The following KCNIP4 variants were observed in gnomAD, a reference collection of about 807,000 sequenced individuals.
The protein encoded by KCNIP4 is Kv channel-interacting protein 4.
KCNIP4 carries 12 observed loss-of-function variants against 34.0 expected under a neutral mutation model. The ratio of observed to expected loss-of-function variants is 0.35; its 90% CI spans 0.23 to 0.57. The LOEUF (loss-of-function observed/expected upper bound fraction) is 0.57, where lower values mean the gene tolerates loss of function less well. Among genes scored for constraint, KCNIP4 ranks in the 20% least tolerant of loss-of-function variants. The pLI is 0.83. For missense variants in KCNIP4, 238 were observed against 311.7 expected (o/e 0.76, Z 1.78); for synonymous variants, 124 against 102.2 (o/e 1.21, Z -1.29).
chr4:21,632,093 C>T (rs1036861917), intron 1 of KCNIP4, among the ~76,000 whole-genome samples: 2 of 152,076 alleles, frequency 1.3e-5, no homozygotes, highest in Non-Finnish European at 1.5e-5. Context: ...TTTTTTATAT[C>T]CCTGGTTGCT....
intron 1 of KCNIP4, among the ~76,000 whole-genome samples, chr4:21,300,933 G>A (rs1711593907): frequency 6.6e-6 from 1 of 152,148 alleles, no homozygotes; most frequent in Non-Finnish European, 1.5e-5. Flanking sequence ...GAGAGGTAAA[G>A]TGACTTAATC....
At chr4:21,173,811 T>A (rs1327173997) in intron 1 of KCNIP4, among the ~76,000 whole-genome samples, 1 of 152,122 alleles carries the variant, frequency 6.6e-6, no homozygotes, top group Non-Finnish European at 1.5e-5. Context: ...GGAGAGAAAG[T>A]CACGTGCTTC....
intron 1 of KCNIP4, among the ~76,000 whole-genome samples, chr4:21,877,169 A>G (rs7658524): frequency 0.41 from 62,802 of 151,900 alleles, 14,137 homozygotes; most frequent in East Asian, 0.66. Context: ...CCTGACCAAC[A>G]TGGTGAAACC....
Position 21,220,796 on chromosome 4 carries a change from T to C in KCNIP4, c.62-338087A>G, listed in dbSNP as rs546923263. 2.0e-5 allele frequency among the ~76,000 whole-genome samples: 3 copies of C among 152,210 alleles called. No homozygotes were observed. The South Asian group carries it at 6.2e-4, about 32-fold the overall frequency. The stretch of plus-strand genomic sequence containing the variant: ...CTTTTAGTTTCTAAAAGTTTAGAAA[T>C]GTCTTTAAACTTTTCAGCTATGTGA... On this transcript the variant is annotated intron_variant, in intron 1 of 8. Transcript: ENST00000382152.
chr4:20,985,247 T>C (rs994341931), intron 1 of KCNIP4, among the ~76,000 whole-genome samples: 1 of 152,218 alleles, frequency 6.6e-6, no homozygotes. Flanking sequence ...TCCTATTCTA[T>C]GCAGTCAAGA....
chr4:21,636,125 T>A (rs185503135), intron 1 of KCNIP4, among the ~76,000 whole-genome samples: 2 of 114,832 alleles, frequency 1.7e-5, no homozygotes, highest in African/African-American at 3.5e-5. Flanking sequence ...AATATCACAC[T>A]CTGGGGACTG....
chr4:21,598,149 T>A (rs1424065884), intron 1 of KCNIP4, among the ~76,000 whole-genome samples: 3 of 152,106 alleles, frequency 2.0e-5, no homozygotes, highest in Non-Finnish European at 4.4e-5. Context: ...ATACTGTGTT[T>A]TATGCATAAA....
intron 1 of KCNIP4, among the ~76,000 whole-genome samples, chr4:20,968,913 A>G (rs1415899009): frequency 6.6e-6 from 1 of 152,110 alleles, no homozygotes; most frequent in Non-Finnish European, 1.5e-5. Context: ...GTACCCTAGA[A>G]CTTAAAGTAT....
At chr4:21,204,760 A>G (rs1756729846) in intron 1 of KCNIP4, among the ~76,000 whole-genome samples, 1 of 152,196 alleles carries the variant, frequency 6.6e-6, no homozygotes, top group African/African-American at 2.4e-5. Flanking sequence ...TTTTTTAGAA[A>G]GGGAAACATA....
At chr4:21,117,007 T>A (rs564905712) in intron 1 of KCNIP4, among the ~76,000 whole-genome samples, 151 of 152,326 alleles carry the variant, frequency 9.9e-4, no homozygotes, top group African/African-American at 3.4e-3. Flanking sequence ...CATCTTACTA[T>A]GTGTTTGGAA....
chr4:21,288,251 G>A (rs952936419), intron 1 of KCNIP4, among the ~76,000 whole-genome samples: 3 of 152,008 alleles, frequency 2.0e-5, no homozygotes, highest in Non-Finnish European at 4.4e-5. Flanking sequence ...CTTCCCCCAA[G>A]GTTATAACTG....
At chr4:21,657,316 C>T (rs549975632) in intron 1 of KCNIP4, among the ~76,000 whole-genome samples, 7 of 152,112 alleles carry the variant, frequency 4.6e-5, no homozygotes, top group Admixed American at 1.3e-4. Flanking sequence ...TATTATTTTC[C>T]GGTCCATGTC....
intron 1 of KCNIP4, among the ~76,000 whole-genome samples, chr4:21,556,925 A>AC (rs1256135706): frequency 4.7e-5 from 7 of 147,852 alleles, no homozygotes; most frequent in East Asian, 2.0e-4. Context: ...CATCTCAGAA[A>AC]AAAAAAAAAA....
chr4:21,096,459 A>G (rs1353160884), intron 1 of KCNIP4, among the ~76,000 whole-genome samples: 2 of 152,178 alleles, frequency 1.3e-5, no homozygotes. Flanking sequence ...AGGCTGTTTA[A>G]CAAGCTATAC....
intron 1 of KCNIP4, chr4:21,846,356 A>T (rs1724013658): frequency 6.6e-6 from 1 of 152,122 alleles, no homozygotes; most frequent in East Asian, 1.9e-4. Flanking sequence ...AAGGGGATAT[A>T]CACAAAGAGA....
At chr4:21,935,995 T>C (rs556169840) in intron 1 of KCNIP4, among the ~76,000 whole-genome samples, 1 of 151,162 alleles carries the variant, frequency 6.6e-6, no homozygotes, top group South Asian at 2.1e-4. Context: ...CATGTATAGC[T>C]ACACACACAT....
chr4:21,912,809 A>G (rs1352057594), intron 1 of KCNIP4, among the ~76,000 whole-genome samples: 1 of 149,558 alleles, frequency 6.7e-6, no homozygotes, highest in African/African-American at 2.4e-5. Context: ...TATGTTTTAT[A>G]TAATATAATA....
At chr4:21,947,915 C>T (rs1015191855) in intron 1 of KCNIP4, among the ~76,000 whole-genome samples, 1 of 152,240 alleles carries the variant, frequency 6.6e-6, no homozygotes, top group East Asian at 1.9e-4. Flanking sequence ...TCCCTGCTTT[C>T]GCAGAACGCA....
chr4:21,428,912 A>C (rs181420270), intron 1 of KCNIP4, among the ~76,000 whole-genome samples: 1 of 152,276 alleles, frequency 6.6e-6, no homozygotes, highest in Admixed American at 6.5e-5. Flanking sequence ...ACAAGCACCT[A>C]CCCCATTATC....
Sources: gnomAD v4.1 joint callset for allele counts (sites outside exome capture counted in the v4.1 genomes callset) on GRCh38, gnomAD v4.1.1 for gene constraint, MANE v1.5 for transcripts, NCBI Gene and HGNC (gene_info 2026-07-23, HGNC 2026-07-21) for gene names.